RIMBP2: variants seen among roughly 807,000 people sequenced by gnomAD.
RIMBP2 encodes the protein RIMS-binding protein 2.
In RIMBP2, 48 loss-of-function variants were observed where a neutral mutation model predicts 118.6. The observed-to-expected ratio is 0.40, with a 90% CI of 0.32 to 0.51. RIMBP2 has a LOEUF of 0.51. Ranked by LOEUF, RIMBP2 falls within the 20% of genes least tolerant of loss-of-function variation. RIMBP2 has a pLI of 0.41. For synonymous variants in RIMBP2, 762 were observed against 742.9 expected (o/e 1.03, Z -0.42); for missense variants, 1,551 against 1,768.3 (o/e 0.88, Z 2.20).
At chr12:130,486,855 G>A (rs1404204630) in intron 4 of RIMBP2, among the ~76,000 whole-genome samples, 1 of 150,476 alleles carries the variant, frequency 6.6e-6, no homozygotes. Context: ...TTTCTGCCCC[G>A]AGACAGCTCC....
At position 130,469,380 on chromosome 12, in the gene RIMBP2, C is replaced by A. The variant is rs770162934; in HGVS notation, c.153+1313G>T. Among the ~76,000 whole-genome samples, 23 of 152,262 alleles carry A rather than the reference C, an allele frequency of 1.5e-4. No individual in the cohort carries two copies. Among genetic ancestry groups the A allele is most frequent in the Non-Finnish European group, 2.6e-4 (18 of 68,018 alleles). ...GTCCCTCAGAGGCGGATTGAAGCCA[C>A]ACAGGGTCATGTCAATGGGCTCCGG... On this transcript the variant is annotated intron_variant, in intron 6 of 22. Transcript: ENST00000690449. This position sits in a 1 kb window ranked among gnomAD's most constrained non-coding sequence, Gnocchi z 4.8.
At chr12:130,472,907 C>T (rs1263755219) in intron 5 of RIMBP2, among the ~76,000 whole-genome samples, 1 of 152,010 alleles carries the variant, frequency 6.6e-6, no homozygotes, top group Non-Finnish European at 1.5e-5. Context: ...CGTCGAAGGC[C>T]GAAAACTGTT....
At chr12:130,522,358 C>T (rs1469448292) in intron 2 of RIMBP2, among the ~76,000 whole-genome samples, 5 of 152,144 alleles carry the variant, frequency 3.3e-5, no homozygotes, top group African/African-American at 4.8e-5. Context: ...GCTAGAGGTT[C>T]GGGGAACATG....
chr12:130,512,410 C>A (rs2051007285), intron 3 of RIMBP2, among the ~76,000 whole-genome samples: 1 of 152,190 alleles, frequency 6.6e-6, no homozygotes, highest in Admixed American at 6.5e-5. Context: ...GCAACCTTCA[C>A]CTCCTGGGTT....
chr12:130,609,255 T>C (rs1433056510), intron 2 of RIMBP2, among the ~76,000 whole-genome samples: 1 of 152,092 alleles, frequency 6.6e-6, no homozygotes, highest in Non-Finnish European at 1.5e-5. Flanking sequence ...CCCACGTTTA[T>C]ACAGCACCAT....
chr12:130,436,686 A>G (rs1156585097), intron 13 of RIMBP2, among the ~76,000 whole-genome samples, 156 bp downstream of exon 13: 1 of 152,246 alleles, frequency 6.6e-6, no homozygotes, highest in African/African-American at 2.4e-5. Flanking sequence ...GATCAGGCAC[A>G]TGACAGAGTC....
Position 130,397,155 on chromosome 12 carries a change from G to A in RIMBP2, c.*206C>T, listed in dbSNP as rs1014858680. On this transcript the variant is annotated 3_prime_UTR_variant, in exon 23 of 23. Coordinates refer to ENST00000690449, the MANE Select transcript of RIMBP2 (RefSeq NM_001393629.1). ...TCCCAAATCAGAGCTTGGACAATGA[G>A]AGCAGACTGCCAGCGGTGACAGAGA... is the stretch of plus-strand genomic sequence containing the variant. 8.8e-6 allele frequency: 3 copies of A among 341,228 alleles called. No individual in the cohort carries two copies. Among genetic ancestry groups the A allele is most frequent in the Non-Finnish European group, 1.6e-5 (3 of 190,458 alleles). 21.1% of individuals were successfully genotyped at this position (341,228 alleles called of 1,614,324 possible).
intron 4 of RIMBP2, among the ~76,000 whole-genome samples, chr12:130,500,892 T>C (rs1291816388): frequency 3.3e-5 from 5 of 152,138 alleles, no homozygotes; most frequent in Non-Finnish European, 5.9e-5. Flanking sequence ...GAGCCGCTTC[T>C]ATCACTCTAC....
rs1339885670 is a variant in RIMBP2, at chr12:130,521,185, G to A, written c.-216-3268C>T. On this transcript the variant is annotated intron_variant, in intron 2 of 22. Coordinates refer to ENST00000690449, the MANE Select transcript of RIMBP2 (RefSeq NM_001393629.1). ...ACTGACCCTGTGTGCTACCAGAGCT[G>A]TCCACACAGGGAGGTGGACACTACC... is the stretch of plus-strand genomic sequence containing the variant. Among the ~76,000 whole-genome samples, 5 of 152,222 alleles carry A rather than the reference G, an allele frequency of 3.3e-5. No individual in the cohort carries two copies. In the East Asian group the frequency reaches 9.6e-4, roughly 29 times the overall value.
chr12:130,655,803 C>T (rs1443245332), intron 1 of RIMBP2, among the ~76,000 whole-genome samples: 1 of 152,194 alleles, frequency 6.6e-6, no homozygotes, highest in Non-Finnish European at 1.5e-5. Flanking sequence ...TGAAGCCAGC[C>T]AGAATGAAAA....
chr12:130,690,847 C>G (rs974670196), intron 1 of RIMBP2, among the ~76,000 whole-genome samples: 1 of 152,162 alleles, frequency 6.6e-6, no homozygotes, highest in Non-Finnish European at 1.5e-5. Context: ...CAATAGCCCT[C>G]AGGAAAGCCT....
Position 130,424,061 on chromosome 12 carries a change from C to G in RIMBP2, c.3129+81G>C. 1 of 759,792 alleles carries G rather than the reference C, an allele frequency of 1.3e-6. No homozygotes were observed. The highest frequency in any genetic ancestry group is 1.8e-6 in the Non-Finnish European group (1 of 556,794). The allele number at this position is 759,792 out of a possible 1,614,324, so 47.1% of individuals were successfully genotyped here. A position where few individuals can be genotyped will look rare whatever the true frequency, so the allele number is the denominator to read the frequency against. ...CAAGAGAGTCCCCAGGGATGGACAC[C>G]AGAACAAACAGAAAACCAGTGAAAG... On this transcript the variant is annotated intron_variant, in intron 16 of 22. Transcript: ENST00000690449. The surrounding 1 kb of genome is among the most constrained non-coding windows in gnomAD (Gnocchi z 9.8).
intron 2 of RIMBP2, among the ~76,000 whole-genome samples, chr12:130,539,456 C>G (rs2054370182): frequency 6.6e-6 from 1 of 152,212 alleles, no homozygotes; most frequent in Admixed American, 6.5e-5. Flanking sequence ...GAGGGAGGAG[C>G]TCCAGGCAGA....
At chr12:130,461,432 C>A (rs774337918) in intron 6 of RIMBP2, among the ~76,000 whole-genome samples, 1 of 152,170 alleles carries the variant, frequency 6.6e-6, no homozygotes, top group African/African-American at 2.4e-5. Flanking sequence ...TGCCTCGGCC[C>A]GGGTGCAGCC....
At position 130,625,291 on chromosome 12, in the gene RIMBP2, T is replaced by A. The variant is rs534584670; in HGVS notation, c.-217+3031A>T. Among the ~76,000 whole-genome samples the A allele has an allele frequency of 4.3e-4, 66 of 152,324 alleles. 1 individual carries two copies. The highest frequency in any genetic ancestry group is 1.5e-3 in the African/African-American group (62 of 41,578). ...AACTCAGATCTGTGAATAAGCATCT[T>A]AATATGTTTTATTGACATAGAGGGG... On this transcript the variant is annotated intron_variant, in intron 2 of 22. Transcript: ENST00000690449.
intron 6 of RIMBP2, among the ~76,000 whole-genome samples, chr12:130,459,794 G>A (rs918652284): frequency 2.0e-5 from 3 of 152,052 alleles, no homozygotes; most frequent in African/African-American, 7.2e-5. Flanking sequence ...GGGGGCCAAG[G>A]ACGAGGGTGA....
rs1370748891 is a variant in RIMBP2, at chr12:130,447,312, G to A, written c.582-2043C>T. On this transcript the variant is annotated intron_variant, in intron 9 of 22. Coordinates refer to ENST00000690449, the MANE Select transcript of RIMBP2 (RefSeq NM_001393629.1). The surrounding 1 kb of genome is among the most constrained non-coding windows in gnomAD (Gnocchi z 4.4). Reference sequence around the variant, plus strand: ...AGAAGAAGTGGGAGATCCTACGGCTGTCGTGACAACCTCGTCGGTGCTCCT... The same window carrying A: ...AGAAGAAGTGGGAGATCCTACGGCTATCGTGACAACCTCGTCGGTGCTCCT... 6.6e-6 allele frequency among the ~76,000 whole-genome samples: 1 copy of A among 151,846 alleles called. No individual in the cohort carries two copies. The highest frequency in any genetic ancestry group is 1.5e-5 in the Non-Finnish European group (1 of 67,962).
chr12:130,694,414 C>T (rs543238976), intron 1 of RIMBP2, among the ~76,000 whole-genome samples: 20 of 152,192 alleles, frequency 1.3e-4, no homozygotes, highest in Non-Finnish European at 2.6e-4. Flanking sequence ...ACATAAAGGA[C>T]CTTAGAGGCT....
intron 2 of RIMBP2, among the ~76,000 whole-genome samples, chr12:130,593,226 A>C (rs2059378833): frequency 6.6e-6 from 1 of 152,176 alleles, no homozygotes; most frequent in Non-Finnish European, 1.5e-5. Context: ...CTCTAACTGT[A>C]GTGGCAGCCG....
Sources: gnomAD v4.1 joint callset for allele counts (sites outside exome capture counted in the v4.1 genomes callset) on GRCh38, gnomAD v4.1.1 for gene constraint, Gnocchi (gnomAD v3.1) non-coding constraint, MANE v1.5 for transcripts, NCBI Gene and HGNC (gene_info 2026-07-23, HGNC 2026-07-21) for gene names.